SLC35F1: variants seen among roughly 807,000 people sequenced by gnomAD.
The protein encoded by SLC35F1 is chromosome 6 open reading frame 169.
SLC35F1 carries 14 observed loss-of-function variants against 48.7 expected under a neutral mutation model. The observed-to-expected ratio is 0.29, with a 90% confidence interval of 0.19 to 0.45. The LOEUF (loss-of-function observed/expected upper bound fraction) is 0.45, where lower values mean the gene tolerates loss of function less well. SLC35F1 is among the 20% of genes least tolerant of loss of function. The pLI, the probability that SLC35F1 is intolerant of heterozygous loss-of-function variation, is 1.00. For missense variants in SLC35F1, 404 were observed against 500.0 expected, an observed-to-expected ratio of 0.81 and a Z score of 1.83; for synonymous variants, 190 against 202.2, an observed-to-expected ratio of 0.94 and a Z score of 0.51.
intron 1 of SLC35F1, among the ~76,000 whole-genome samples, chr6:117,991,973 G>C (rs1776924929): frequency 6.6e-6 from 1 of 151,598 alleles, no homozygotes; most frequent in African/African-American, 2.4e-5. Flanking sequence ...ATTTTTGTTG[G>C]GAAAATTTTT....
intron 1 of SLC35F1, among the ~76,000 whole-genome samples, chr6:117,956,489 C>T (rs572243092): frequency 6.6e-6 from 1 of 152,212 alleles, no homozygotes; most frequent in Non-Finnish European, 1.5e-5. Context: ...ATTAAACCTT[C>T]AATGAGTGCT....
intron 3 of SLC35F1, among the ~76,000 whole-genome samples, chr6:118,246,455 G>A (rs1276318886): frequency 2.6e-5 from 4 of 152,142 alleles, no homozygotes; most frequent in African/African-American, 9.6e-5. Context: ...GTAAAATGGA[G>A]CTACACACGA....
chr6:118,259,977 T>C (rs781656472), intron 3 of SLC35F1, among the ~76,000 whole-genome samples: 27 of 152,266 alleles, frequency 1.8e-4, no homozygotes, highest in Non-Finnish European at 3.5e-4. Flanking sequence ...AACCTAAATG[T>C]TCATCAACTG....
chr6:118,054,508 A>G (rs769850789), intron 1 of SLC35F1, among the ~76,000 whole-genome samples: 1 of 152,180 alleles, frequency 6.6e-6, no homozygotes, highest in Non-Finnish European at 1.5e-5. Flanking sequence ...ACAATTACAA[A>G]CTGGGATTGG....
intron 1 of SLC35F1, among the ~76,000 whole-genome samples, chr6:118,011,330 A>G (rs1350858051): frequency 6.6e-6 from 1 of 152,192 alleles, no homozygotes; most frequent in Non-Finnish European, 1.5e-5. Flanking sequence ...CAGGAAACTT[A>G]CAATCATGGA....
intron 3 of SLC35F1, among the ~76,000 whole-genome samples, chr6:118,258,167 G>C (rs1775669242): frequency 6.6e-6 from 1 of 152,066 alleles, no homozygotes; most frequent in Non-Finnish European, 1.5e-5. Flanking sequence ...AAAGTACAAT[G>C]AATTTTGTTA....
intron 1 of SLC35F1, among the ~76,000 whole-genome samples, chr6:118,027,232 G>A (rs942821737): frequency 1.3e-5 from 2 of 152,104 alleles, no homozygotes; most frequent in African/African-American, 4.8e-5. Context: ...TGGCAGTTGT[G>A]TAAAAGCTGC....
chr6:117,960,088 G>T (rs906943174), intron 1 of SLC35F1, among the ~76,000 whole-genome samples: 13 of 151,964 alleles, frequency 8.6e-5, no homozygotes, highest in Admixed American at 7.9e-4. Flanking sequence ...TGATTGCAAG[G>T]CATTGAAGAG....
intron 1 of SLC35F1, among the ~76,000 whole-genome samples, chr6:118,150,410 G>A (rs1774038386): frequency 6.6e-6 from 1 of 151,994 alleles, no homozygotes; most frequent in Admixed American, 6.6e-5. Flanking sequence ...ATACTATATT[G>A]GCGCATATAC....
intron 1 of SLC35F1, among the ~76,000 whole-genome samples, chr6:118,029,367 T>TGAGAGAGA (rs934602860): frequency 6.6e-6 from 1 of 151,638 alleles, no homozygotes; most frequent in Non-Finnish European, 1.5e-5. Context: ...TAAGATATTT[T>TGAGAGAGA]GAGAGAGAGA....
chr6:118,063,409 CAA>C (rs34043001), intron 1 of SLC35F1, among the ~76,000 whole-genome samples: 26,344 of 151,940 alleles, frequency 0.17, 2,644 homozygotes, highest in East Asian at 0.3. Flanking sequence ...GATAAAGGGG[CAA>C]AAAGTCTGTA....
chr6:118,184,576 C>A (rs1044985147), intron 2 of SLC35F1, among the ~76,000 whole-genome samples: 1 of 152,088 alleles, frequency 6.6e-6, no homozygotes, highest in Admixed American at 6.6e-5. Flanking sequence ...AACTGTCTTT[C>A]GAGTCTTTCA....
At chr6:118,199,526 A>G (rs2114533630) in intron 2 of SLC35F1, among the ~76,000 whole-genome samples, 1 of 152,374 alleles carries the variant, frequency 6.6e-6, no homozygotes, top group South Asian at 2.1e-4. Flanking sequence ...GGTTTAAGTG[A>G]ACATATGTTA....
intron 7 of SLC35F1, among the ~76,000 whole-genome samples, chr6:118,295,342 G>T (rs373125210): frequency 3.0e-4 from 46 of 152,130 alleles, no homozygotes; most frequent in African/African-American, 1.0e-3. Flanking sequence ...TATAAGTGAA[G>T]ATGACAGAAA....
chr6:118,153,284 C>A lies in SLC35F1; in HGVS notation c.174-1161C>A, dbSNP rs539853541. On this transcript the variant is annotated intron_variant, in intron 1 of 7. Transcript: ENST00000360388. ...GTTAACAATAATATATTGTATATTC[C>A]AAAAGCGCTAGAAGATTTTGAATGT... 1.6e-4 allele frequency among the ~76,000 whole-genome samples: 25 copies of A among 152,118 alleles called. No homozygotes were observed. The Middle Eastern group carries it at 0.01, about 62-fold the overall frequency.
intron 2 of SLC35F1, among the ~76,000 whole-genome samples, chr6:118,158,528 T>A (rs1329765085): frequency 6.6e-6 from 1 of 152,246 alleles, no homozygotes; most frequent in African/African-American, 2.4e-5. Context: ...AATACATTTT[T>A]AAACAAATCT....
chr6:117,985,620 A>ATATG (rs1354780639), intron 1 of SLC35F1, among the ~76,000 whole-genome samples: 1 of 151,720 alleles, frequency 6.6e-6, no homozygotes, highest in Non-Finnish European at 1.5e-5. Context: ...ATAACTATCT[A>ATATG]TACACACTTT....
At chr6:118,230,339 CAA>C (rs5879452) in intron 2 of SLC35F1, among the ~76,000 whole-genome samples, 126 of 146,386 alleles carry the variant, frequency 8.6e-4, no homozygotes, top group Admixed American at 8.8e-4. Context: ...ACTCCATCTA[CAA>C]AAAAAAAAAA....
At chr6:118,093,433 G>T (rs1254511790) in intron 1 of SLC35F1, among the ~76,000 whole-genome samples, 5 of 152,180 alleles carry the variant, frequency 3.3e-5, no homozygotes, top group Non-Finnish European at 1.5e-5. Flanking sequence ...TAATTCCCAT[G>T]TATCTTGGGA....
Sources: allele counts gnomAD v4.1 joint callset (sites outside exome capture counted in the v4.1 genomes callset), GRCh38; gene constraint gnomAD v4.1.1; transcripts MANE v1.5; gene names NCBI Gene and HGNC (gene_info 2026-07-23, HGNC 2026-07-21).